Variants in CYP4F12 observed in about 807,000 individuals in gnomAD.
CYP4F12 encodes the protein cytochrome P450 4F12.
Under a neutral mutation model 56.5 loss-of-function variants are expected in CYP4F12, and 60 were observed. That is an observed-to-expected ratio of 1.06 (90% CI 0.86 to 1.32). The LOEUF (loss-of-function observed/expected upper bound fraction) is 1.32. CYP4F12 is among the 40% of genes most tolerant of loss of function. CYP4F12 has a pLI of 0.00. For missense variants in CYP4F12, 711 were observed against 683.5 expected (o/e 1.04, Z -0.45); for synonymous variants, 263 against 264.9 (o/e 0.99, Z 0.07).
At chr19:15,677,108 T>G (rs1352659760) in intron 2 of CYP4F12, among the ~76,000 whole-genome samples, 3 of 116,876 alleles carry the variant, frequency 2.6e-5, no homozygotes, top group African/African-American at 1.0e-4. Context: ...CACTCATTCC[T>G]CTGCTCACTC....
At chr19:15,694,793 C>T (rs2008043095) in intron 9 of CYP4F12, among the ~76,000 whole-genome samples, 1 of 152,136 alleles carries the variant, frequency 6.6e-6, no homozygotes, top group Admixed American at 6.5e-5. Flanking sequence ...AAATCAAAAC[C>T]ACAATGAGAT....
At chr19:15,685,683 C>T (rs660258) in intron 9 of CYP4F12, among the ~76,000 whole-genome samples, 3,765 of 152,058 alleles carry the variant, frequency 0.025, 36 homozygotes, top group African/African-American at 0.087. Context: ...AGTCCTAGCC[C>T]GCTGAGAGAA....
Position 15,678,278 on chromosome 19 carries a change from G to A in CYP4F12, c.216G>A (p.Glu72=). The A allele has an allele frequency of 6.2e-7, 1 of 1,614,204 alleles. No homozygotes were observed. Among genetic ancestry groups the A allele is most frequent in the Non-Finnish European group, 8.5e-7 (1 of 1,180,028 alleles). The part of the protein sequence containing the change: ...GHLGLITPTE[E]GLKNSTQMSA... ...GCTTTCAGATCACTCCTACAGAGGA[G>A]GGCTTGAAGAACTCGACCCAGATGT... The change falls in exon 3 of 13, where the codon GAG becomes GAA. Residue 72 remains glutamate, a synonymous_variant. Coordinates refer to ENST00000550308, the MANE Select transcript of CYP4F12 (RefSeq NM_023944.4).
chr19:15,687,060 G>A (rs927456510), intron 9 of CYP4F12, among the ~76,000 whole-genome samples: 4 of 152,126 alleles, frequency 2.6e-5, no homozygotes, highest in Non-Finnish European at 5.9e-5. Context: ...GGCGGATCAC[G>A]AGGTCAGGAG....
chr19:15,679,040 AC>A (rs35594886), intron 3 of CYP4F12, among the ~76,000 whole-genome samples: 1 of 152,100 alleles, frequency 6.6e-6, no homozygotes, highest in Non-Finnish European at 1.5e-5. Context: ...CAATAGGAGA[AC>A]CCACACCAGC....
chr19:15,692,208 C>T (rs1041540105), intron 9 of CYP4F12, among the ~76,000 whole-genome samples: 4 of 152,112 alleles, frequency 2.6e-5, no homozygotes, highest in South Asian at 2.1e-4. Context: ...CCACCCACCT[C>T]GGCCTCCCAA....
At chr19:15,679,914 A>G (rs688436) in intron 3 of CYP4F12, among the ~76,000 whole-genome samples, 3,737 of 152,158 alleles carry the variant, frequency 0.025, 16 homozygotes, top group African/African-American at 0.086. Context: ...AGAGAGTGCT[A>G]TGGCAGACAG....
At position 15,697,020 on chromosome 19, in the gene CYP4F12, T is replaced by C. The variant is rs593421; in HGVS notation, c.1510T>C (p.Leu504=). ...CACTGAGCCCCGCAGGAAGCTGGAA[T>C]TGATCATGCGCGCCGAGGGCGGGCT... The part of the protein sequence containing the change: ...DHTEPRRKLE[L]IMRAEGGLWL... The change falls in exon 13 of 13, where the codon TTG becomes CTG. Residue 504 remains leucine, a synonymous_variant. Coordinates refer to ENST00000550308, the MANE Select transcript of CYP4F12 (RefSeq NM_023944.4). The C allele has an allele frequency of 0.25, 398,235 of 1,613,976 alleles. 51,549 individuals carry two copies. Among genetic ancestry groups the C allele is most frequent in the African/African-American group, 0.4 (29,817 of 75,000 alleles).
At chr19:15,693,961 C>A (rs1262458612) in intron 9 of CYP4F12, among the ~76,000 whole-genome samples, 1 of 149,846 alleles carries the variant, frequency 6.7e-6, no homozygotes, top group African/African-American at 2.5e-5. Flanking sequence ...TTCCCCATTG[C>A]TTGTTTTTCT....
chr19:15,694,592 G>C (rs7255789), intron 9 of CYP4F12, among the ~76,000 whole-genome samples: 1 of 151,918 alleles, frequency 6.6e-6, no homozygotes, highest in African/African-American at 2.4e-5. Flanking sequence ...ATTTTGGGCT[G>C]AGACAATGGG....
rs1260381898 is a variant in CYP4F12, at chr19:15,695,972, C to CGCA, written c.1153_1154insCAG (p.Cys384_Val385insAla). On this transcript the variant is annotated inframe_insertion, in exon 10 of 13. Transcript: ENST00000550308. The stretch of plus-strand genomic sequence containing the variant: ...CCCAGCTGCCCTTCCTGACCATGTG[C>CGCA]GTGAAGGAGAGCCTGAGGTTACATC... 2 of 1,613,776 alleles carry CGCA rather than the reference C, an allele frequency of 1.2e-6. No homozygotes were observed. Among genetic ancestry groups the CGCA allele is most frequent in the African/African-American group, 2.7e-5 (2 of 74,886 alleles).
chr19:15,677,153 C>T (rs1270254956), intron 2 of CYP4F12, among the ~76,000 whole-genome samples: 1 of 100,900 alleles, frequency 9.9e-6, no homozygotes, highest in South Asian at 4.3e-4. Flanking sequence ...ATTCCTCTAC[C>T]CACACTCATT....
In CYP4F12 at chr19:15,684,813, C is replaced by G; in HGVS notation, c.919-3C>G. On this transcript the variant is annotated splice_region_variant and splice_polypyrimidine_tract_variant and intron_variant, in intron 7 of 12. Transcript: ENST00000550308. ...GTGTGTGTGTGTCTTGCTTTCTCTT[C>G]AGGATGAAGATGGGAAGGCATTGTC... is the stretch of plus-strand genomic sequence containing the variant. 1 of 1,517,982 alleles carries G rather than the reference C, an allele frequency of 6.6e-7. No individual in the cohort carries two copies. 94.0% of individuals were successfully genotyped at this position (1,517,982 alleles called of 1,614,324 possible). A position where few individuals can be genotyped will look rare whatever the true frequency, so the allele number is the denominator to read the frequency against.
chr19:15,683,896 T>C (rs2007455517), intron 7 of CYP4F12, 133 bp downstream of exon 7: 4 of 1,236,120 alleles, frequency 3.2e-6, no homozygotes, highest in Non-Finnish European at 4.4e-6. Flanking sequence ...AGGTCACAGA[T>C]AGGTTTTAGA....
intron 1 of CYP4F12, 126 bp downstream of exon 1, chr19:15,673,261 A>G (rs2006714172): frequency 3.5e-6 from 2 of 578,266 alleles, no homozygotes; most frequent in South Asian, 3.2e-5. Context: ...CTGGACTCCT[A>G]GCAAACTCCC....
chr19:15,683,837 T>C, intron 7 of CYP4F12, 74 bp downstream of exon 7: 1 of 1,484,774 alleles, frequency 6.7e-7, no homozygotes, highest in Non-Finnish European at 8.9e-7. Context: ...AATAAATTGG[T>C]TTTGATCCAA....
At chr19:15,675,365 C>G (rs1296704533) in intron 2 of CYP4F12, among the ~76,000 whole-genome samples, 4 of 152,178 alleles carry the variant, frequency 2.6e-5, no homozygotes, top group Non-Finnish European at 5.9e-5. Flanking sequence ...GAGCTGCCAT[C>G]CTGATGGACA....
Position 15,678,141 on chromosome 19 carries a change from A to T in CYP4F12, c.199-120A>T. 8 of 1,300,714 alleles carry T rather than the reference A, an allele frequency of 6.2e-6. 1 individual carries two copies. The highest frequency in any genetic ancestry group is 8.7e-6 in the Non-Finnish European group (8 of 922,418). 80.6% of individuals were successfully genotyped at this position (1,300,714 alleles called of 1,614,324 possible). On this transcript the variant is annotated intron_variant, in intron 2 of 12. Transcript: ENST00000550308. ...TTCAAATGCTAATCTCTTCTCAAAC[A>T]CCCTCACAGACACACACAGCAATAA... is the stretch of plus-strand genomic sequence containing the variant.
chr19:15,680,332 C>A (rs1293686884), intron 4 of CYP4F12, 35 bp downstream of exon 4: 1 of 1,613,324 alleles, frequency 6.2e-7, no homozygotes, highest in African/African-American at 1.3e-5. Flanking sequence ...TTGGGGACAA[C>A]CTTGCGGGGA....
Sources: gnomAD v4.1 joint callset for allele counts (sites outside exome capture counted in the v4.1 genomes callset) on GRCh38, gnomAD v4.1.1 for gene constraint, MANE v1.5 for transcripts, NCBI Gene and HGNC (gene_info 2026-07-23, HGNC 2026-07-21) for gene names.